Variants in WARS2 observed in about 807,000 individuals in gnomAD.
The protein encoded by WARS2 is tryptophan--tRNA ligase, mitochondrial.
A neutral mutation model predicts 36.5 loss-of-function variants in WARS2; 28 were observed. The ratio of observed to expected loss-of-function variants is 0.77; its 90% CI spans 0.57 to 1.05. The LOEUF is 1.05. WARS2 is among the 50% of genes least tolerant of loss of function. The pLI is 0.00. For synonymous variants in WARS2, 174 were observed against 178.4 expected (o/e 0.98, Z 0.20); for missense variants, 435 against 456.8 (o/e 0.95, Z 0.44).
chr1:119,076,176 T>C (rs186076733), intron 2 of WARS2, among the ~76,000 whole-genome samples, 174 bp downstream of exon 2: 212 of 152,300 alleles, frequency 1.4e-3, no homozygotes, highest in African/African-American at 5.0e-3. Flanking sequence ...AATATAATGA[T>C]ACTTAATGAT....
At position 119,128,857 on chromosome 1, in the gene WARS2, A is replaced by T. The variant is rs587645446; in HGVS notation, c.90+11698T>A. ...AGCCTGACCAAAAACCCTGCTAGTT[A>T]GATGGAAAAGAAAGACAAGAGGGCA... On this transcript the variant is annotated intron_variant, in intron 1 of 5. Coordinates refer to ENST00000235521, the MANE Select transcript of WARS2 (RefSeq NM_015836.4). Among the ~76,000 whole-genome samples, 49 of 152,284 alleles carry T rather than the reference A, an allele frequency of 3.2e-4. 1 individual carries two copies. In the South Asian group the frequency reaches 0.01, roughly 32 times the overall value.
chr1:119,107,744 C>A (rs1654346141), intron 1 of WARS2, among the ~76,000 whole-genome samples: 1 of 151,888 alleles, frequency 6.6e-6, no homozygotes, highest in South Asian at 2.1e-4. Context: ...TGGTGACATC[C>A]TTGTCTTGTT....
chr1:119,059,861 T>C (rs939464330), intron 2 of WARS2, among the ~76,000 whole-genome samples: 1 of 152,184 alleles, frequency 6.6e-6, no homozygotes, highest in Non-Finnish European at 1.5e-5. Flanking sequence ...TGCACGTTCT[T>C]ACTTATAGGT....
intron 1 of WARS2, among the ~76,000 whole-genome samples, chr1:119,115,101 C>T (rs587750318): frequency 6.6e-6 from 1 of 152,280 alleles, no homozygotes; most frequent in Non-Finnish European, 1.5e-5. Context: ...CACTTACAAA[C>T]ACTTAATACA....
At chr1:119,096,819 C>T (rs1462496814) in intron 1 of WARS2, among the ~76,000 whole-genome samples, 1 of 152,070 alleles carries the variant, frequency 6.6e-6, no homozygotes, top group Non-Finnish European at 1.5e-5. Context: ...TCATTTTTGA[C>T]AATTTCAAAC....
chr1:119,095,544 T>C lies in WARS2; in HGVS notation c.91-18937A>G, dbSNP rs1653378451. 3.3e-5 allele frequency among the ~76,000 whole-genome samples: 5 copies of C among 152,142 alleles called. No individual in the cohort carries two copies. In the South Asian group the frequency reaches 1.0e-3, roughly 32 times the overall value. On this transcript the variant is annotated intron_variant, in intron 1 of 5. Transcript: ENST00000235521. ...CACCCCTGGGTTCAAGGGATTCTCC[T>C]GCCTCAGCCTCCCAAGTAGCTGGGA... is the stretch of plus-strand genomic sequence containing the variant.
At chr1:119,140,487 G>C in intron 1 of WARS2, 68 bp downstream of exon 1, 1 of 1,422,884 alleles carries the variant, frequency 7.0e-7, no homozygotes. Context: ...GAAATAAATA[G>C]AGGGCAGTGG....
At chr1:119,126,284 A>C (rs1003369919) in intron 1 of WARS2, among the ~76,000 whole-genome samples, 4 of 145,932 alleles carry the variant, frequency 2.7e-5, no homozygotes, top group African/African-American at 1.0e-4. Flanking sequence ...AAAAAAAAAA[A>C]TCTCAAAATA....
chr1:119,085,120 G>T, intron 1 of WARS2: 1 of 781,950 alleles, frequency 1.3e-6, no homozygotes, highest in Non-Finnish European at 2.4e-6. Context: ...CCTTCAGAAC[G>T]CCCGTTGTAC....
At chr1:119,059,176 T>C (rs1650152867) in intron 2 of WARS2, among the ~76,000 whole-genome samples, 1 of 152,082 alleles carries the variant, frequency 6.6e-6, no homozygotes. Flanking sequence ...TGTAAATTTG[T>C]TTGAGTTCAT....
Position 119,045,484 on chromosome 1 carries a change from G to A in WARS2, c.429+98C>T, listed in dbSNP as rs533319966. 175 of 990,274 alleles carry A rather than the reference G, an allele frequency of 1.8e-4. No individual in the cohort carries two copies. The South Asian group carries it at 2.4e-3, about 14-fold the overall frequency. 61.3% of individuals were successfully genotyped at this position (990,274 alleles called of 1,614,324 possible). A position where few individuals can be genotyped will look rare whatever the true frequency, so the allele number is the denominator to read the frequency against. On this transcript the variant is annotated intron_variant, in intron 3 of 5. Transcript: ENST00000235521. The stretch of plus-strand genomic sequence containing the variant: ...ATGATGTTCCAACCATTAGTGAGTG[G>A]CAGACCAGGGAGGAGAGTAAACTCA...
chr1:119,140,503 G>A, intron 1 of WARS2, 52 bp downstream of exon 1: 2 of 1,561,598 alleles, frequency 1.3e-6, no homozygotes, highest in Non-Finnish European at 8.8e-7. Flanking sequence ...AGTGGGATGA[G>A]AAGAACCTCG....
intron 5 of WARS2, among the ~76,000 whole-genome samples, chr1:119,033,731 AAC>A (rs1344146528): frequency 6.6e-6 from 1 of 152,226 alleles, no homozygotes; most frequent in African/African-American, 2.4e-5. Context: ...ATTTTTGATT[AAC>A]AGTGTTTCCA....
chr1:119,136,081 TTAAA>T (rs928948516), intron 1 of WARS2, among the ~76,000 whole-genome samples: 1 of 152,126 alleles, frequency 6.6e-6, no homozygotes, highest in Admixed American at 6.5e-5. Flanking sequence ...CAATAGATGT[TTAAA>T]TAAATAAATA....
chr1:119,114,148 G>A (rs973654202), intron 1 of WARS2, among the ~76,000 whole-genome samples: 2 of 152,166 alleles, frequency 1.3e-5, no homozygotes, highest in Admixed American at 6.5e-5. Context: ...GTAGGAGATG[G>A]TGGGGCCAGG....
intron 1 of WARS2, among the ~76,000 whole-genome samples, chr1:119,116,811 T>C (rs929059487): frequency 1.3e-5 from 2 of 152,182 alleles, no homozygotes; most frequent in Admixed American, 6.5e-5. Flanking sequence ...CCAGTGGAAC[T>C]GGGGAGAGGC....
At position 119,032,783 on chromosome 1, in the gene WARS2, A is replaced by T; in HGVS notation, c.*128T>A. The T allele has an allele frequency of 1.2e-6, 1 of 859,424 alleles. No individual in the cohort carries two copies. Among genetic ancestry groups the T allele is most frequent in the Non-Finnish European group, 1.8e-6 (1 of 566,714 alleles). The allele number at this position is 859,424 out of a possible 1,614,324, so 53.2% of individuals were successfully genotyped here. A position where few individuals can be genotyped will look rare whatever the true frequency, so the allele number is the denominator to read the frequency against. Reference sequence around the variant, plus strand: ...GCTACAAAGCAATATTCATCAAATAAAGCCAATAATCAGCTATACCAAATT... The same window carrying T: ...GCTACAAAGCAATATTCATCAAATATAGCCAATAATCAGCTATACCAAATT... On this transcript the variant is annotated 3_prime_UTR_variant, in exon 6 of 6. Transcript: ENST00000235521.
At chr1:119,067,707 T>C (rs1650988321) in intron 2 of WARS2, among the ~76,000 whole-genome samples, 1 of 152,094 alleles carries the variant, frequency 6.6e-6, no homozygotes, top group African/African-American at 2.4e-5. Context: ...ATTAAAGACA[T>C]TAAAAATGGG....
In WARS2 at chr1:119,109,074, T is replaced by A. The variant is rs954437840; in HGVS notation, c.90+31481A>T. Among the ~76,000 whole-genome samples the A allele has an allele frequency of 2.0e-5, 3 of 151,992 alleles. No homozygotes were observed. In the South Asian group the frequency reaches 6.2e-4, roughly 31 times the overall value. ...TAGTTTAATTCCATATGGTCTAAGG[T>A]CAGATGTTGTAACATTTCTATTCTC... On this transcript the variant is annotated intron_variant, in intron 1 of 5. Transcript: ENST00000235521.
Sources: allele counts gnomAD v4.1 joint callset (sites outside exome capture counted in the v4.1 genomes callset), GRCh38; gene constraint gnomAD v4.1.1; transcripts MANE v1.5; gene names NCBI Gene and HGNC (gene_info 2026-07-23, HGNC 2026-07-21).